Variants in PCDH9 observed in about 807,000 individuals in gnomAD.
PCDH9 encodes the protein protocadherin 9.
Under a neutral mutation model 70.6 loss-of-function variants are expected in PCDH9, and 24 were observed. The ratio of observed to expected loss-of-function variants is 0.34; its 90% CI spans 0.25 to 0.48. PCDH9 has a LOEUF of 0.48. Ranked by LOEUF, PCDH9 falls within the 20% of genes least tolerant of loss-of-function variation. PCDH9 has a pLI of 0.99. For missense variants in PCDH9, 1,281 were observed against 1,503.6 expected, an observed-to-expected ratio of 0.85 and a Z score of 2.45; for synonymous variants, 562 against 558.5, an observed-to-expected ratio of 1.01 and a Z score of -0.09.
chr13:67,145,247 C>A (rs984936849), intron 2 of PCDH9, among the ~76,000 whole-genome samples: 1 of 151,940 alleles, frequency 6.6e-6, no homozygotes, highest in Non-Finnish European at 1.5e-5. Context: ...ATATTAGTAT[C>A]AAAGAGGAAG....
At chr13:66,901,096 T>G (rs1267146449) in intron 3 of PCDH9, among the ~76,000 whole-genome samples, 1 of 151,674 alleles carries the variant, frequency 6.6e-6, no homozygotes, top group African/African-American at 2.4e-5. Flanking sequence ...ACAGAAACCT[T>G]GCATCTTAGA....
chr13:66,594,781 A>C (rs2077081742), intron 4 of PCDH9, among the ~76,000 whole-genome samples: 1 of 151,626 alleles, frequency 6.6e-6, no homozygotes, highest in African/African-American at 2.4e-5. Context: ...ATTAGTTTGC[A>C]GAGGATAATG....
At chr13:66,690,802 T>C (rs2078472543) in intron 3 of PCDH9, among the ~76,000 whole-genome samples, 1 of 152,128 alleles carries the variant, frequency 6.6e-6, no homozygotes. Flanking sequence ...GTGAAATATA[T>C]ATTAGTCTCT....
chr13:67,134,625 G>A (rs1480216613), intron 2 of PCDH9, among the ~76,000 whole-genome samples: 2 of 151,982 alleles, frequency 1.3e-5, no homozygotes, highest in Non-Finnish European at 2.9e-5. Flanking sequence ...AAATACAAAA[G>A]CACTTTCGTT....
chr13:66,579,013 T>A (rs1041592501), intron 4 of PCDH9, among the ~76,000 whole-genome samples: 3 of 152,058 alleles, frequency 2.0e-5, no homozygotes, highest in African/African-American at 7.2e-5. Context: ...CTTTGTTTTG[T>A]TGCTGTATGA....
chr13:66,895,844 T>C (rs547200334), intron 3 of PCDH9, among the ~76,000 whole-genome samples: 3 of 152,348 alleles, frequency 2.0e-5, no homozygotes, highest in African/African-American at 7.2e-5. Context: ...GATACTATGG[T>C]TGTCATTTAT....
intron 4 of PCDH9, among the ~76,000 whole-genome samples, chr13:66,351,963 G>A (rs1469431329): frequency 6.6e-6 from 1 of 151,736 alleles, no homozygotes; most frequent in African/African-American, 2.4e-5. Context: ...AACCTTCAAA[G>A]TAGCTGGGAT....
intron 4 of PCDH9, among the ~76,000 whole-genome samples, chr13:66,342,220 G>A (rs1057413542): frequency 6.6e-6 from 1 of 152,178 alleles, no homozygotes; most frequent in African/African-American, 2.4e-5. Flanking sequence ...TTAAGAACAT[G>A]TTTCAATGTT....
At chr13:66,678,883 G>T (rs111763842) in intron 3 of PCDH9, among the ~76,000 whole-genome samples, 9 of 151,758 alleles carry the variant, frequency 5.9e-5, no homozygotes, top group African/African-American at 1.7e-4. Flanking sequence ...GAAAGAAGGG[G>T]CAGAGCTCTA....
chr13:66,757,825 A>G (rs2139241076), intron 3 of PCDH9, among the ~76,000 whole-genome samples: 1 of 152,206 alleles, frequency 6.6e-6, no homozygotes, highest in South Asian at 2.1e-4. Context: ...AAATGAAAAT[A>G]TACCAATTTC....
chr13:66,823,850 A>T (rs1219755150), intron 3 of PCDH9, among the ~76,000 whole-genome samples: 3 of 152,132 alleles, frequency 2.0e-5, no homozygotes, highest in African/African-American at 7.2e-5. Flanking sequence ...TGATTTTTTG[A>T]CACTATATTA....
Position 66,384,911 on chromosome 13 carries a change from C to T in PCDH9, c.3341-79883G>A, listed in dbSNP as rs932032945. 8.5e-5 allele frequency among the ~76,000 whole-genome samples: 13 copies of T among 152,170 alleles called. No individual in the cohort carries two copies. In the South Asian group the frequency reaches 2.1e-3, roughly 24 times the overall value. ...CTTGAACTCCTGACCTCAAGTGATC[C>T]GCCTGCCTCGGTCTCCCAAAGTGCT... is the stretch of plus-strand genomic sequence containing the variant. On this transcript the variant is annotated intron_variant, in intron 4 of 4. Transcript: ENST00000377865.
intron 2 of PCDH9, among the ~76,000 whole-genome samples, chr13:67,071,016 C>T (rs1461937967): frequency 6.6e-6 from 1 of 152,052 alleles, no homozygotes; most frequent in Admixed American, 6.6e-5. Context: ...AATCTGAACA[C>T]TCAGATTTAC....
chr13:67,054,919 T>C lies in PCDH9; in HGVS notation c.3037-151314A>G, dbSNP rs891654944. Among the ~76,000 whole-genome samples the C allele has an allele frequency of 2.0e-5, 3 of 152,276 alleles. No homozygotes were observed. The South Asian group carries it at 6.2e-4, about 32-fold the overall frequency. The stretch of plus-strand genomic sequence containing the variant: ...ATTTGAAAGGGGAAATGAGAGAATA[T>C]GTTGGGCTGGGCAAATATAGAATAA... On this transcript the variant is annotated intron_variant, in intron 2 of 4. Transcript: ENST00000377865.
chr13:66,544,584 C>T (rs193216411), intron 4 of PCDH9, among the ~76,000 whole-genome samples: 30 of 152,196 alleles, frequency 2.0e-4, no homozygotes, highest in Admixed American at 5.2e-4. Flanking sequence ...GCAGTTCACC[C>T]AGAGTTAGCT....
intron 4 of PCDH9, among the ~76,000 whole-genome samples, chr13:66,561,149 C>T (rs946238902): frequency 6.6e-5 from 10 of 152,210 alleles, no homozygotes; most frequent in African/African-American, 1.7e-4. Flanking sequence ...GGGCAGGCCC[C>T]GCACTCGGAG....
At chr13:66,900,944 C>T (rs1006189660) in intron 3 of PCDH9, among the ~76,000 whole-genome samples, 6 of 151,586 alleles carry the variant, frequency 4.0e-5, no homozygotes, top group African/African-American at 1.5e-4. Context: ...TGAAAAATAA[C>T]ATTTCAGATG....
intron 2 of PCDH9, among the ~76,000 whole-genome samples, chr13:67,130,320 A>T (rs1367627737): frequency 6.6e-6 from 1 of 152,158 alleles, no homozygotes; most frequent in Non-Finnish European, 1.5e-5. Flanking sequence ...AAAATGCAAA[A>T]CTTTAAGATG....
intron 3 of PCDH9, among the ~76,000 whole-genome samples, chr13:66,745,996 T>A (rs2079356946): frequency 6.6e-6 from 1 of 152,132 alleles, no homozygotes; most frequent in Non-Finnish European, 1.5e-5. Flanking sequence ...GTATTGAGTT[T>A]TTCTCCTCTC....
Sources: gnomAD v4.1 joint callset for allele counts (sites outside exome capture counted in the v4.1 genomes callset) on GRCh38, gnomAD v4.1.1 for gene constraint, MANE v1.5 for transcripts, NCBI Gene and HGNC (gene_info 2026-07-23, HGNC 2026-07-21) for gene names.